Variants in GLT1D1 observed in about 807,000 individuals in gnomAD.
GLT1D1 encodes glycosyltransferase 1 domain-containing protein 1.
GLT1D1 carries 21 observed loss-of-function variants against 28.7 expected under a neutral mutation model. The ratio of observed to expected loss-of-function variants is 0.73; its 90% CI spans 0.52 to 1.05. The LOEUF (loss-of-function observed/expected upper bound fraction) is 1.05, where lower values mean the gene tolerates loss of function less well. GLT1D1 is among the 50% of genes least tolerant of loss of function. GLT1D1 has a pLI of 0.00. For synonymous variants in GLT1D1, 147 were observed against 124.8 expected, an observed-to-expected ratio of 1.18 and a Z score of -1.19; for missense variants, 343 against 330.6, an observed-to-expected ratio of 1.04 and a Z score of -0.29.
chr12:128,974,285 A>G (rs2135549221), intron 7 of GLT1D1, among the ~76,000 whole-genome samples: 1 of 152,080 alleles, frequency 6.6e-6, no homozygotes, highest in African/African-American at 2.4e-5. Context: ...ACATCTACGG[A>G]CCCACCCGGC....
chr12:128,875,609 C>G (rs1250788155), intron 1 of GLT1D1, among the ~76,000 whole-genome samples: 2 of 152,116 alleles, frequency 1.3e-5, no homozygotes, highest in African/African-American at 4.8e-5. Context: ...CCAGCTTGGC[C>G]AACATGGTGA....
intron 4 of GLT1D1, among the ~76,000 whole-genome samples, chr12:128,909,380 GA>G (rs1593118010): frequency 1.3e-5 from 2 of 151,748 alleles, no homozygotes; most frequent in East Asian, 3.9e-4. Context: ...GTAGAGGGAG[GA>G]AAAAAGACAC....
chr12:128,871,548 A>G (rs12318422), intron 1 of GLT1D1, among the ~76,000 whole-genome samples: 4,178 of 152,236 alleles, frequency 0.027, 183 homozygotes, highest in African/African-American at 0.094. Flanking sequence ...AGAAACAGAA[A>G]GAGAGAGAGA....
At chr12:128,934,024 G>C (rs1436246715) in intron 4 of GLT1D1, among the ~76,000 whole-genome samples, 1 of 151,970 alleles carries the variant, frequency 6.6e-6, no homozygotes, top group African/African-American at 2.4e-5. Context: ...GACATCCGAC[G>C]GGAGTGCACT....
intron 4 of GLT1D1, among the ~76,000 whole-genome samples, chr12:128,927,686 A>G (rs1300936571): frequency 6.6e-6 from 1 of 152,076 alleles, no homozygotes; most frequent in Admixed American, 6.6e-5. Flanking sequence ...AAGGATAACT[A>G]ATAACTTCTA....
chr12:128,966,753 A>T (rs1238532786), intron 7 of GLT1D1, among the ~76,000 whole-genome samples: 2 of 151,966 alleles, frequency 1.3e-5, no homozygotes, highest in Admixed American at 6.6e-5. Context: ...TAGGGAGCTT[A>T]TGAGGACAGC....
Position 128,983,864 on chromosome 12 carries a change from G to C in GLT1D1, c.*774G>C, listed in dbSNP as rs1197273348. On this transcript the variant is annotated 3_prime_UTR_variant, in exon 8 of 8. Coordinates refer to ENST00000281703, the MANE Select transcript of GLT1D1 (RefSeq NM_144669.3). This position sits in a 1 kb window ranked among gnomAD's most constrained non-coding sequence, Gnocchi z 4.7. ...CTTCCCCTTCCCACATCAGGGACCC[G>C]GGGATGGATGTCGGAAGGGTCACCA... The C allele has an allele frequency of 6.6e-6, 1 of 152,378 alleles. No homozygotes were observed. Among genetic ancestry groups the C allele is most frequent in the East Asian group, 1.9e-4 (1 of 5,178 alleles). The allele number at this position is 152,378 out of a possible 1,614,324, so 9.4% of individuals were successfully genotyped here. A position where few individuals can be genotyped will look rare whatever the true frequency, so the allele number is the denominator to read the frequency against.
intron 1 of GLT1D1, among the ~76,000 whole-genome samples, chr12:128,868,907 T>C (rs554551466): frequency 3.3e-5 from 5 of 152,380 alleles, no homozygotes; most frequent in African/African-American, 1.2e-4. Flanking sequence ...TCTCGCTCTG[T>C]TGCCTAGGCT....
At chr12:128,927,768 G>A (rs1427150311) in intron 4 of GLT1D1, among the ~76,000 whole-genome samples, 31 of 151,584 alleles carry the variant, frequency 2.0e-4, no homozygotes, top group Admixed American at 2.0e-3. Context: ...GGAGGCTGAG[G>A]CGGGCAGATC....
intron 4 of GLT1D1, among the ~76,000 whole-genome samples, chr12:128,939,850 G>A (rs1031926276): frequency 9.7e-5 from 4 of 41,408 alleles, no homozygotes; most frequent in East Asian, 5.6e-4. Flanking sequence ...CCCCCCCACC[G>A]CCGATCCAAT....
intron 3 of GLT1D1, among the ~76,000 whole-genome samples, chr12:128,890,200 C>T (rs1341473357): frequency 6.6e-6 from 1 of 152,140 alleles, no homozygotes; most frequent in Non-Finnish European, 1.5e-5. Context: ...CTTTTTGTTT[C>T]CTGTGTCTGC....
chr12:128,915,982 C>T (rs879258160), intron 4 of GLT1D1, among the ~76,000 whole-genome samples: 1 of 151,352 alleles, frequency 6.6e-6, no homozygotes, highest in Non-Finnish European at 1.5e-5. Flanking sequence ...ATAACATTTC[C>T]ACCACTCAAG....
intron 7 of GLT1D1, among the ~76,000 whole-genome samples, chr12:128,974,447 G>A (rs55786945): frequency 0.27 from 40,313 of 152,048 alleles, 5,482 homozygotes; most frequent in Admixed American, 0.36. Context: ...TGACCCTGCT[G>A]TTAGCTACCC....
chr12:128,900,927 C>T (rs142012047), intron 4 of GLT1D1, among the ~76,000 whole-genome samples: 3 of 152,094 alleles, frequency 2.0e-5, no homozygotes, highest in Non-Finnish European at 2.9e-5. Context: ...TGAGCCACTG[C>T]ACCTGGCCTA....
At chr12:128,897,095 T>A (rs1011021843) in intron 3 of GLT1D1, among the ~76,000 whole-genome samples, 1 of 152,242 alleles carries the variant, frequency 6.6e-6, no homozygotes, top group African/African-American at 2.4e-5. Flanking sequence ...AAACTGCCAA[T>A]CTTATATGTG....
chr12:128,922,564 A>C (rs796151546), intron 4 of GLT1D1, among the ~76,000 whole-genome samples: 45 of 152,342 alleles, frequency 3.0e-4, no homozygotes, highest in African/African-American at 9.1e-4. Flanking sequence ...TCTAGCTTAG[A>C]CTTTTGGTCA....
intron 4 of GLT1D1, among the ~76,000 whole-genome samples, chr12:128,904,651 T>TTTTTA (rs1870652984): frequency 7.7e-6 from 1 of 129,306 alleles, no homozygotes; most frequent in Non-Finnish European, 1.6e-5. Flanking sequence ...TTTTTTTTTT[T>TTTTTA]GAGACAGAGT....
intron 4 of GLT1D1, 116 bp downstream of exon 4, chr12:128,899,403 C>T: frequency 1.2e-6 from 1 of 825,072 alleles, no homozygotes; most frequent in Non-Finnish European, 2.1e-6. Flanking sequence ...CCTGTTGCGG[C>T]CACAATAGTG....
At chr12:128,978,407 TGA>T (rs1266925991) in intron 7 of GLT1D1, among the ~76,000 whole-genome samples, 8 of 152,258 alleles carry the variant, frequency 5.3e-5, no homozygotes, top group African/African-American at 1.9e-4. Context: ...CTCCTCCGTG[TGA>T]GTGTCTGGCC....
Sources: gnomAD v4.1 joint callset for allele counts (sites outside exome capture counted in the v4.1 genomes callset) on GRCh38, gnomAD v4.1.1 for gene constraint, Gnocchi (gnomAD v3.1) non-coding constraint, MANE v1.5 for transcripts, NCBI Gene and HGNC (gene_info 2026-07-23, HGNC 2026-07-21) for gene names.